PLCL1: variants seen among roughly 807,000 people sequenced by gnomAD.
PLCL1 encodes the protein phospholipase C like 1 (inactive).
A neutral mutation model predicts 84.4 loss-of-function variants in PLCL1; 41 were observed. The ratio of observed to expected loss-of-function variants is 0.49; its 90% confidence interval spans 0.38 to 0.63. The LOEUF (loss-of-function observed/expected upper bound fraction) is 0.63. Among genes scored for constraint, PLCL1 ranks in the 30% least tolerant of loss-of-function variants. The pLI, the probability that PLCL1 is intolerant of heterozygous loss-of-function variation, is 0.00. For missense variants in PLCL1, 1,206 were observed against 1,367.8 expected (o/e 0.88, Z 1.87); for synonymous variants, 490 against 488.3 (o/e 1.00, Z -0.05).
At chr2:197,908,263 C>G (rs964266635) in intron 1 of PLCL1, among the ~76,000 whole-genome samples, 2 of 152,134 alleles carry the variant, frequency 1.3e-5, no homozygotes, top group African/African-American at 4.8e-5. Context: ...TCAGTGCTGA[C>G]TAGAAATAAA....
intron 1 of PLCL1, among the ~76,000 whole-genome samples, chr2:197,872,299 C>CGTG (rs1389300880): frequency 6.6e-6 from 1 of 152,054 alleles, no homozygotes; most frequent in African/African-American, 2.4e-5. Context: ...AGCACAATAC[C>CGTG]AATCACCTAT....
chr2:197,987,117 T>G (rs1690235080), intron 1 of PLCL1, among the ~76,000 whole-genome samples: 1 of 152,162 alleles, frequency 6.6e-6, no homozygotes, highest in Non-Finnish European at 1.5e-5. Flanking sequence ...TCATTAGTTT[T>G]TAAAGTAAGC....
At chr2:198,050,993 A>C (rs1166678360) in intron 1 of PLCL1, among the ~76,000 whole-genome samples, 1 of 152,246 alleles carries the variant, frequency 6.6e-6, no homozygotes, top group Non-Finnish European at 1.5e-5. Context: ...AAGGGAAAAC[A>C]TTTTAACGTG....
Position 197,835,111 on chromosome 2 carries a change from G to A in PLCL1, c.240+29772G>A, listed in dbSNP as rs112686120. Among the ~76,000 whole-genome samples, 1,070 of 152,224 alleles carry A rather than the reference G, an allele frequency of 7.0e-3. 13 individuals are homozygous for A. Among genetic ancestry groups the A allele is most frequent in the African/African-American group, 0.025 (1,019 of 41,530 alleles). On this transcript the variant is annotated intron_variant, in intron 1 of 5. Coordinates refer to ENST00000428675, the MANE Select transcript of PLCL1 (RefSeq NM_006226.4). ...GTGAGTTGAACAATGAGAACACATG[G>A]ACACAGGGAGGGGAACATCACACAA...
At chr2:197,912,095 A>C (rs1056317785) in intron 1 of PLCL1, among the ~76,000 whole-genome samples, 6 of 152,218 alleles carry the variant, frequency 3.9e-5, no homozygotes, top group Non-Finnish European at 5.9e-5. Flanking sequence ...CTTAGCTATC[A>C]CACGAGGTGA....
intron 1 of PLCL1, among the ~76,000 whole-genome samples, chr2:197,831,404 G>C (rs1041939929): frequency 6.6e-6 from 1 of 151,762 alleles, no homozygotes; most frequent in Non-Finnish European, 1.5e-5. Flanking sequence ...AAACCAACAA[G>C]GATCAAAAAA....
At chr2:198,079,099 T>A (rs541748261) in intron 1 of PLCL1, among the ~76,000 whole-genome samples, 1 of 151,980 alleles carries the variant, frequency 6.6e-6, no homozygotes, top group Non-Finnish European at 1.5e-5. Context: ...GGCTTATCAA[T>A]GTGTTTTGAA....
intron 5 of PLCL1, among the ~76,000 whole-genome samples, chr2:198,126,505 G>A (rs1457816582): frequency 6.6e-6 from 1 of 152,186 alleles, no homozygotes; most frequent in African/African-American, 2.4e-5. Context: ...CAGGGGCTGT[G>A]TGGAGGGAAC....
At chr2:197,857,540 G>C (rs1164751370) in intron 1 of PLCL1, among the ~76,000 whole-genome samples, 8 of 152,126 alleles carry the variant, frequency 5.3e-5, no homozygotes. Context: ...TGAAAAGCTA[G>C]GAATTCCTTG....
chr2:197,832,326 A>T (rs553345624), intron 1 of PLCL1, among the ~76,000 whole-genome samples: 1 of 152,220 alleles, frequency 6.6e-6, no homozygotes. Flanking sequence ...AGGGGAGATC[A>T]CCACCGATCC....
At chr2:198,066,608 G>A (rs1365343444) in intron 1 of PLCL1, among the ~76,000 whole-genome samples, 3 of 152,114 alleles carry the variant, frequency 2.0e-5, no homozygotes, top group African/African-American at 7.2e-5. Flanking sequence ...TTTTGAAAAT[G>A]TAAGAACTTT....
rs372395344 is a variant in PLCL1, at chr2:197,852,835, C to T, written c.240+47496C>T. On this transcript the variant is annotated intron_variant, in intron 1 of 5. Transcript: ENST00000428675. ...ATCTATATACATCTATAATATGTAT[C>T]TATGTCTGTCTATCTGTATAAATTT... Among the ~76,000 whole-genome samples, 11 of 152,188 alleles carry T rather than the reference C, an allele frequency of 7.2e-5. No individual in the cohort carries two copies. The East Asian group carries it at 9.6e-4, about 13-fold the overall frequency.
chr2:197,934,496 CT>C (rs978622502), intron 1 of PLCL1, among the ~76,000 whole-genome samples: 2 of 152,070 alleles, frequency 1.3e-5, no homozygotes, highest in Non-Finnish European at 2.9e-5. Flanking sequence ...CAGAAGGTTT[CT>C]TTTTTTCTCT....
chr2:198,046,909 A>G (rs1385466007), intron 1 of PLCL1, among the ~76,000 whole-genome samples: 1 of 152,226 alleles, frequency 6.6e-6, no homozygotes, highest in Non-Finnish European at 1.5e-5. Flanking sequence ...GTGAATTGAA[A>G]GTCACTTTAA....
At chr2:198,038,134 G>A (rs928883755) in intron 1 of PLCL1, among the ~76,000 whole-genome samples, 2 of 152,132 alleles carry the variant, frequency 1.3e-5, no homozygotes, top group Non-Finnish European at 2.9e-5. Context: ...CATAAACCTT[G>A]TAAGAGTCAG....
At chr2:197,952,726 A>C (rs896204742) in intron 1 of PLCL1, among the ~76,000 whole-genome samples, 6 of 152,096 alleles carry the variant, frequency 3.9e-5, no homozygotes, top group Non-Finnish European at 5.9e-5. Context: ...AGATAACTGA[A>C]TTATGTTGGC....
chr2:198,081,668 ATTGTCACTTGAAG>A (rs1692717586), intron 1 of PLCL1, among the ~76,000 whole-genome samples: 1 of 152,222 alleles, frequency 6.6e-6, no homozygotes, highest in Admixed American at 6.5e-5. Context: ...AATTTATATC[ATTGTCACTTGAAG>A]ATCTGATATA....
At chr2:198,123,680 G>A (rs922073141) in intron 5 of PLCL1, among the ~76,000 whole-genome samples, 3 of 151,972 alleles carry the variant, frequency 2.0e-5, no homozygotes, top group Admixed American at 6.6e-5. Flanking sequence ...ACCTCGCTCC[G>A]TAACCTGTTA....
intron 1 of PLCL1, among the ~76,000 whole-genome samples, chr2:197,899,021 T>G (rs1027323320): frequency 3.3e-5 from 5 of 152,214 alleles, no homozygotes; most frequent in Non-Finnish European, 5.9e-5. Context: ...TGTCTCCTTT[T>G]TGTTGTATTC....
Sources: gnomAD v4.1 joint callset for allele counts (sites outside exome capture counted in the v4.1 genomes callset) on GRCh38, gnomAD v4.1.1 for gene constraint, MANE v1.5 for transcripts, NCBI Gene and HGNC (gene_info 2026-07-23, HGNC 2026-07-21) for gene names.